ANKRD44: variants seen among roughly 807,000 people sequenced by gnomAD.
The protein encoded by ANKRD44 is ankyrin repeat domain 44, also known as serine/threonine-protein phosphatase 6 regulatory ankyrin repeat subunit B.
Under a neutral mutation model 116.0 loss-of-function variants are expected in ANKRD44, and 35 were observed. That is an observed-to-expected ratio of 0.30 (90% confidence interval 0.23 to 0.40). ANKRD44 has a LOEUF of 0.40. Ranked by LOEUF, ANKRD44 falls within the 10% of genes least tolerant of loss-of-function variation. The probability of loss-of-function intolerance (pLI) is 1.00; values close to 1 mark genes in which losing one functional copy is unlikely to be tolerated. For missense variants in ANKRD44, 1,014 were observed against 1,242.6 expected (o/e 0.82, Z 2.77); for synonymous variants, 435 against 461.8 (o/e 0.94, Z 0.74).
rs184026848 is a variant in ANKRD44, at chr2:197,172,192, G to A, written c.111+14831C>T. On this transcript the variant is annotated intron_variant, in intron 2 of 27. Transcript: ENST00000282272. The stretch of plus-strand genomic sequence containing the variant: ...ACTTTTGCATTTTTAGTAGAGAGGG[G>A]GGCTTCACCATATTGGCCAGGCTGG... Among the ~76,000 whole-genome samples, 625 of 151,958 alleles carry A rather than the reference G, an allele frequency of 4.1e-3. 12 individuals are homozygous for A. The highest frequency in any genetic ancestry group is 0.015 in the African/African-American group (601 of 41,416).
At chr2:197,147,670 C>G (rs1050441356) in intron 2 of ANKRD44, among the ~76,000 whole-genome samples, 5 of 151,928 alleles carry the variant, frequency 3.3e-5, no homozygotes, top group Non-Finnish European at 7.4e-5. Context: ...AGAGGGATGA[C>G]TACAACAGGC....
intron 4 of ANKRD44, 134 bp from the exon 5 acceptor site, chr2:197,126,171 C>A (rs2078970358): frequency 1.3e-6 from 1 of 761,744 alleles, no homozygotes; most frequent in Non-Finnish European, 2.1e-6. Context: ...TCCAGACAAG[C>A]CAGGTAATAT....
intron 1 of ANKRD44, chr2:197,250,877 C>T (rs2082300699): frequency 6.6e-6 from 1 of 152,164 alleles, no homozygotes; most frequent in Non-Finnish European, 1.5e-5. Context: ...CTACAGAATT[C>T]ATTTTGGGTG....
rs1221884664 is a variant in ANKRD44 at position 197,263,273 on chromosome 2, C to G, written c.27+47305G>C. On this transcript the variant is annotated intron_variant, in intron 1 of 27. Coordinates refer to ENST00000282272, the MANE Select transcript of ANKRD44 (RefSeq NM_001195144.2). Reference sequence around the variant, plus strand: ...CTCACGTCCCCTTACCTCACTTGTCCCTGGCCGCAGCTTGGAAAGCAGCGC... The same window carrying G: ...CTCACGTCCCCTTACCTCACTTGTCGCTGGCCGCAGCTTGGAAAGCAGCGC... 63 of 599,246 alleles carry G rather than the reference C, an allele frequency of 1.1e-4. No individual in the cohort carries two copies. In the Admixed American group the frequency reaches 1.5e-3, roughly 14 times the overall value. The allele number at this position is 599,246 out of a possible 1,614,324, so 37.1% of individuals were successfully genotyped here.
intron 1 of ANKRD44, among the ~76,000 whole-genome samples, chr2:197,207,405 C>A (rs1451384270): frequency 6.6e-6 from 1 of 152,162 alleles, no homozygotes; most frequent in Admixed American, 6.5e-5. Context: ...GCTGTGCCTG[C>A]GGATGGCACA....
intron 16 of ANKRD44, among the ~76,000 whole-genome samples, chr2:197,057,726 C>A (rs1041375505): frequency 1.3e-5 from 2 of 152,190 alleles, no homozygotes; most frequent in African/African-American, 4.8e-5. Context: ...GGCATGGCGG[C>A]ACATGCCTGT....
intron 9 of ANKRD44, among the ~76,000 whole-genome samples, chr2:197,109,697 T>C (rs1353412875): frequency 1.4e-5 from 2 of 144,802 alleles, no homozygotes; most frequent in African/African-American, 4.9e-5. Flanking sequence ...AGTAGAAGTA[T>C]GGGTCAACTA....
At chr2:197,124,922 C>T (rs1422882992) in intron 6 of ANKRD44, among the ~76,000 whole-genome samples, 5 of 152,174 alleles carry the variant, frequency 3.3e-5, no homozygotes, top group African/African-American at 9.6e-5. Context: ...ACCAGCGCCT[C>T]TGGTGCCCTC....
At chr2:197,078,609 A>G in intron 16 of ANKRD44, 94 bp downstream of exon 16, 1 of 1,545,228 alleles carries the variant, frequency 6.5e-7, no homozygotes, top group Middle Eastern at 1.7e-4. Flanking sequence ...TACACAAGCC[A>G]GAGCTACAAC....
chr2:197,131,558 C>T (rs2079098040), intron 4 of ANKRD44, among the ~76,000 whole-genome samples: 1 of 152,214 alleles, frequency 6.6e-6, no homozygotes, highest in South Asian at 2.1e-4. Flanking sequence ...CACTCCTACA[C>T]TCTAAAGATA....
intron 16 of ANKRD44, among the ~76,000 whole-genome samples, chr2:197,068,274 G>T (rs2077478769): frequency 1.5e-5 from 2 of 137,564 alleles, no homozygotes; most frequent in African/African-American, 5.4e-5. Context: ...TGACACATTA[G>T]TGGGTGCAGC....
At chr2:197,249,814 T>C (rs949214192) in intron 1 of ANKRD44, among the ~76,000 whole-genome samples, 1 of 152,216 alleles carries the variant, frequency 6.6e-6, no homozygotes, top group Non-Finnish European at 1.5e-5. Context: ...AAGAAGCGTC[T>C]AGGTTTAAAA....
chr2:197,121,024 G>C (rs1321950767), intron 8 of ANKRD44, among the ~76,000 whole-genome samples: 1 of 151,666 alleles, frequency 6.6e-6, no homozygotes, highest in African/African-American at 2.4e-5. Flanking sequence ...CTGTCTCCCG[G>C]GTTTAAGCAA....
intron 21 of ANKRD44, among the ~76,000 whole-genome samples, chr2:196,977,582 A>G (rs1440740946): frequency 2.0e-5 from 3 of 152,248 alleles, no homozygotes; most frequent in Admixed American, 2.0e-4. Context: ...ATGTCCAATA[A>G]GCACACAGAA....
At chr2:197,032,953 T>C (rs1429329843) in intron 16 of ANKRD44, among the ~76,000 whole-genome samples, 1 of 152,068 alleles carries the variant, frequency 6.6e-6, no homozygotes, top group African/African-American at 2.4e-5. Flanking sequence ...AGAAGCAAGA[T>C]CAAAGTAGAG....
chr2:197,092,548 G>A (rs1389724616), intron 10 of ANKRD44, among the ~76,000 whole-genome samples: 1 of 152,142 alleles, frequency 6.6e-6, no homozygotes. Flanking sequence ...CTATTTAACG[G>A]TGGTTTTATT....
intron 2 of ANKRD44, among the ~76,000 whole-genome samples, chr2:197,167,253 A>G (rs1213652601): frequency 1.3e-5 from 2 of 152,160 alleles, no homozygotes; most frequent in African/African-American, 2.4e-5. Flanking sequence ...GAACACATAC[A>G]TTTTTATTCT....
intron 16 of ANKRD44, among the ~76,000 whole-genome samples, chr2:197,034,460 G>T (rs1172047245): frequency 1.4e-5 from 2 of 147,132 alleles, no homozygotes; most frequent in Non-Finnish European, 3.0e-5. Context: ...AATCCAACGT[G>T]CATATCTAGT....
intron 1 of ANKRD44, among the ~76,000 whole-genome samples, chr2:197,202,343 G>C (rs1036730657): frequency 2.0e-5 from 3 of 151,392 alleles, no homozygotes; most frequent in African/African-American, 7.3e-5. Flanking sequence ...TACCAGAAAA[G>C]ATAGGTCCAA....
Sources: allele counts gnomAD v4.1 joint callset (sites outside exome capture counted in the v4.1 genomes callset), GRCh38; gene constraint gnomAD v4.1.1; transcripts MANE v1.5; gene names NCBI Gene and HGNC (gene_info 2026-07-23, HGNC 2026-07-21).